Variants in UGT2B15 observed in about 807,000 individuals in gnomAD.
The protein encoded by UGT2B15 is UDP-glucuronosyltransferase 2B15.
Under a neutral mutation model 45.9 loss-of-function variants are expected in UGT2B15, and 36 were observed. The ratio of observed to expected loss-of-function variants is 0.78; its 90% CI spans 0.60 to 1.04. The LOEUF (loss-of-function observed/expected upper bound fraction) is 1.04, where lower values mean the gene tolerates loss of function less well. Ranked by LOEUF, UGT2B15 falls within the 50% of genes least tolerant of loss-of-function variation. UGT2B15 has a pLI of 0.00. For synonymous variants in UGT2B15, 219 were observed against 216.4 expected (o/e 1.01, Z -0.11); for missense variants, 617 against 622.4 (o/e 0.99, Z 0.09).
intron 5 of UGT2B15, among the ~76,000 whole-genome samples, chr4:68,651,088 T>G (rs1341645584): frequency 6.8e-6 from 1 of 146,494 alleles, no homozygotes; most frequent in Non-Finnish European, 1.5e-5. Context: ...AAATCTTCCC[T>G]CATTCTGTAG....
At chr4:68,647,698 T>C (rs1270913955) in intron 5 of UGT2B15, among the ~76,000 whole-genome samples, 3 of 152,054 alleles carry the variant, frequency 2.0e-5, no homozygotes, top group Non-Finnish European at 4.4e-5. Flanking sequence ...AATTTGAGAA[T>C]GATCTTTTTG....
At chr4:68,667,953 A>T in intron 2 of UGT2B15, 87 bp downstream of exon 2, 9 of 1,536,620 alleles carry the variant, frequency 5.9e-6, no homozygotes, top group Non-Finnish European at 7.9e-6. Flanking sequence ...TATTCCCCTC[A>T]CTCTGAGTTA....
chr4:68,661,010 A>G (rs1578198368), intron 3 of UGT2B15, among the ~76,000 whole-genome samples: 2 of 151,976 alleles, frequency 1.3e-5, no homozygotes, highest in Admixed American at 6.6e-5. Flanking sequence ...TCTTCATAGG[A>G]CATGAGACTT....
At position 68,670,480 on chromosome 4, in the gene UGT2B15, C is replaced by T. The variant is rs766503617; in HGVS notation, c.139G>A (p.Val47Ile). The T allele has an allele frequency of 3.7e-6, 6 of 1,613,922 alleles. No individual in the cohort carries two copies. The highest frequency in any genetic ancestry group is 5.1e-6 in the Non-Finnish European group (6 of 1,179,996). Reference sequence around the variant, plus strand: ...ACAGTCACCTCATGACCCCTCTGAACAAGCTCTTCCAGGATTGTCTTCATA... The same window carrying T: ...ACAGTCACCTCATGACCCCTCTGAATAAGCTCTTCCAGGATTGTCTTCATA... ...INMKTILEELVQRGHEVTVLT... is the reference protein window; with the variant it reads ...INMKTILEELIQRGHEVTVLT... The change falls in exon 1 of 6, where the codon GTT becomes ATT. Residue 47 changes from valine (V) to isoleucine (I), a missense_variant. Coordinates refer to ENST00000338206, the MANE Select transcript of UGT2B15 (RefSeq NM_001076.4).
At chr4:68,661,887 A>G (rs1466440604) in intron 3 of UGT2B15, among the ~76,000 whole-genome samples, 1 of 152,126 alleles carries the variant, frequency 6.6e-6, no homozygotes, top group Non-Finnish European at 1.5e-5. Flanking sequence ...ATTTTGCTTA[A>G]CTGATCTTTC....
chr4:68,648,458 C>T (rs1257260403), intron 5 of UGT2B15, among the ~76,000 whole-genome samples: 5 of 152,158 alleles, frequency 3.3e-5, no homozygotes, highest in African/African-American at 4.8e-5. Flanking sequence ...TGTATGATAC[C>T]TCTTGGAGAG....
At chr4:68,669,385 T>C (rs1733234531) in intron 1 of UGT2B15, among the ~76,000 whole-genome samples, 1 of 152,092 alleles carries the variant, frequency 6.6e-6, no homozygotes, top group Non-Finnish European at 1.5e-5. Context: ...TAGGCTTCTG[T>C]TTCTGGAGTA....
Position 68,670,392 on chromosome 4 carries a change from A to G in UGT2B15, c.227T>C (p.Val76Ala). Residue 76 changes from valine to alanine, a missense_variant, in exon 1 of 6, where the codon GTT (valine) becomes GCT (alanine). Val to Ala is a moderately conservative substitution (Grantham distance 64). Coordinates refer to ENST00000338206, the MANE Select transcript of UGT2B15 (RefSeq NM_001076.4). ...ASKSSAIKLE[V>A]YPTSLTKNYL... Reference sequence around the variant, plus strand: ...ATTTTTAGTTAAAGATGTAGGATAAACTTCTAATTTAATAGCAGATGATTT... The same window carrying G: ...ATTTTTAGTTAAAGATGTAGGATAAGCTTCTAATTTAATAGCAGATGATTT... The G allele has an allele frequency of 1.2e-6, 2 of 1,613,600 alleles. No homozygotes were observed. The highest frequency in any genetic ancestry group is 8.5e-7 in the Non-Finnish European group (1 of 1,179,910).
chr4:68,649,976 G>C (rs1172411788), intron 5 of UGT2B15, among the ~76,000 whole-genome samples: 1 of 151,628 alleles, frequency 6.6e-6, no homozygotes, highest in Non-Finnish European at 1.5e-5. Flanking sequence ...GGGACTATAG[G>C]TGCACACCAC....
intron 3 of UGT2B15, among the ~76,000 whole-genome samples, chr4:68,660,221 T>C (rs983961436): frequency 2.6e-5 from 4 of 151,276 alleles, no homozygotes; most frequent in South Asian, 4.2e-4. Context: ...ACTTAACTTA[T>C]GGAGCCAATA....
At chr4:68,648,183 A>G (rs1209178101) in intron 5 of UGT2B15, among the ~76,000 whole-genome samples, 1 of 152,104 alleles carries the variant, frequency 6.6e-6, no homozygotes, top group Non-Finnish European at 1.5e-5. Flanking sequence ...ACCTGTTAAG[A>G]TTTCCATCTG....
intron 5 of UGT2B15, among the ~76,000 whole-genome samples, chr4:68,651,130 T>C (rs1732642730): frequency 6.6e-6 from 1 of 152,028 alleles, no homozygotes; most frequent in Admixed American, 6.6e-5. Context: ...TAGTTTATTT[T>C]GCTGTGCAGA....
intron 5 of UGT2B15, among the ~76,000 whole-genome samples, chr4:68,647,938 T>C (rs563990802): frequency 6.6e-6 from 1 of 152,146 alleles, no homozygotes; most frequent in Non-Finnish European, 1.5e-5. Flanking sequence ...CCCATACTGG[T>C]CTGGAACTCC....
chr4:68,651,783 T>C (rs1305489119), intron 5 of UGT2B15, among the ~76,000 whole-genome samples: 1 of 152,122 alleles, frequency 6.6e-6, no homozygotes, highest in Non-Finnish European at 1.5e-5. Flanking sequence ...AGCCTTGTAG[T>C]ACAGTTTGAA....
chr4:68,646,743 C>CT lies in UGT2B15; in HGVS notation c.*360dup, dbSNP rs1430063842. The CT allele has an allele frequency of 1.6e-4, 19 of 117,316 alleles. No individual in the cohort carries two copies. The South Asian group carries it at 4.8e-3, about 30-fold the overall frequency. The allele number at this position is 117,316 out of a possible 1,614,324, so 7.3% of individuals were successfully genotyped here. ...AAAAGAGTTGTATTTTTTTTTTTTG[C>CT]TTTTTTTAAATTATACTTTAAGTTT... is the stretch of plus-strand genomic sequence containing the variant. On this transcript the variant is annotated 3_prime_UTR_variant, in exon 6 of 6. Coordinates refer to ENST00000338206, the MANE Select transcript of UGT2B15 (RefSeq NM_001076.4).
At chr4:68,669,770 C>T (rs1733245038) in intron 1 of UGT2B15, 125 bp downstream of exon 1, 1 of 1,348,696 alleles carries the variant, frequency 7.4e-7, no homozygotes, top group Non-Finnish European at 1.0e-6. Flanking sequence ...GATAGATCAT[C>T]TTACATTTGC....
At chr4:68,653,685 G>C (rs1283301798) in intron 5 of UGT2B15, among the ~76,000 whole-genome samples, 4 of 151,806 alleles carry the variant, frequency 2.6e-5, no homozygotes, top group Non-Finnish European at 5.9e-5. Context: ...AGAAAGAATA[G>C]ATTCATACTT....
intron 3 of UGT2B15, among the ~76,000 whole-genome samples, chr4:68,661,825 T>C (rs1184157507): frequency 6.6e-6 from 1 of 152,114 alleles, no homozygotes; most frequent in Non-Finnish European, 1.5e-5. Flanking sequence ...CCATTGACAA[T>C]TCATGATTAA....
At chr4:68,666,952 G>T (rs1277742804) in intron 2 of UGT2B15, among the ~76,000 whole-genome samples, 1 of 151,440 alleles carries the variant, frequency 6.6e-6, no homozygotes, top group East Asian at 1.9e-4. Flanking sequence ...TCACCATGCT[G>T]GCCACTCTGG....
Sources: gnomAD v4.1 joint callset for allele counts (sites outside exome capture counted in the v4.1 genomes callset) on GRCh38, gnomAD v4.1.1 for gene constraint, MANE v1.5 for transcripts, NCBI Gene and HGNC (gene_info 2026-07-23, HGNC 2026-07-21) for gene names.